KLK6: variants seen among roughly 807,000 people sequenced by gnomAD.
The protein encoded by KLK6 is kallikrein related peptidase 6, also known as kallikrein-6.
In KLK6, 16 loss-of-function variants were observed where a neutral mutation model predicts 21.7. That is an observed-to-expected ratio of 0.74 (90% CI 0.50 to 1.12). The LOEUF (loss-of-function observed/expected upper bound fraction) is 1.12, where lower values mean the gene tolerates loss of function less well. Ranked by LOEUF, KLK6 falls within the 50% of genes most tolerant of loss-of-function variation. The pLI, the probability that KLK6 is intolerant of heterozygous loss-of-function variation, is 0.00. For missense variants in KLK6, 276 were observed against 304.6 expected, an observed-to-expected ratio of 0.91 and a Z score of 0.70; for synonymous variants, 116 against 120.1, an observed-to-expected ratio of 0.97 and a Z score of 0.22.
Position 50,963,191 on chromosome 19 carries a change from A to G in KLK6, c.445+111T>C, listed in dbSNP as rs111648193. ...TTGAAACCCTGTCCCATTGGTCCTC[A>G]CCATTAGCCCATCTTCCCATGGCCC... On this transcript the variant is annotated intron_variant, in intron 5 of 6. Transcript: ENST00000310157. 6 of 1,435,566 alleles carry G rather than the reference A, an allele frequency of 4.2e-6. No individual in the cohort carries two copies. In the African/African-American group the frequency reaches 8.5e-5, roughly 20 times the overall value. 88.9% of individuals were successfully genotyped at this position (1,435,566 alleles called of 1,614,324 possible). A position where few individuals can be genotyped will look rare whatever the true frequency, so the allele number is the denominator to read the frequency against.
At chr19:50,968,163 C>T (rs1421761238) in intron 2 of KLK6, 51 bp from the exon 3 acceptor site, 4 of 1,529,790 alleles carry the variant, frequency 2.6e-6, no homozygotes, top group Non-Finnish European at 2.7e-6. Flanking sequence ...ACCCTCCCCC[C>T]ATCCCTCTGT....
chr19:50,967,552 A>ACACACACACAC (rs1555781654), intron 3 of KLK6, among the ~76,000 whole-genome samples: 19 of 50,630 alleles, frequency 3.8e-4, no homozygotes, highest in African/African-American at 2.2e-3. Flanking sequence ...CACACACACA[A>ACACACACACAC]ATTAGCAGGG....
rs1422634256 is a variant in KLK6, at chr19:50,963,718, C to G, written c.198-169G>C. 1.1e-5 allele frequency: 8 copies of G among 716,344 alleles called. No individual in the cohort carries two copies. In the Admixed American group the frequency reaches 2.3e-4, roughly 21 times the overall value. The allele number at this position is 716,344 out of a possible 1,614,324, so 44.4% of individuals were successfully genotyped here. A position where few individuals can be genotyped will look rare whatever the true frequency, so the allele number is the denominator to read the frequency against. Reference sequence around the variant, plus strand: ...ATAATCTTGGGGGCTATTCTTCACTCTCTTTATTTCATGCCCTACATCCAA... The same window carrying G: ...ATAATCTTGGGGGCTATTCTTCACTGTCTTTATTTCATGCCCTACATCCAA... On this transcript the variant is annotated intron_variant, in intron 4 of 6. Transcript: ENST00000310157.
intron 3 of KLK6, among the ~76,000 whole-genome samples, chr19:50,967,562 G>A (rs965902653): frequency 4.1e-5 from 4 of 97,726 alleles, no homozygotes; most frequent in African/African-American, 2.1e-4. Flanking sequence ...AATTAGCAGG[G>A]TATGGTGGCA....
chr19:50,958,888 T>G lies in KLK6; in HGVS notation c.*276A>C. 3 of 432,996 alleles carry G rather than the reference T, an allele frequency of 6.9e-6. No individual in the cohort carries two copies. The highest frequency in any genetic ancestry group is 3.2e-5 in the South Asian group (1 of 30,912). The allele number at this position is 432,996 out of a possible 1,614,324, so 26.8% of individuals were successfully genotyped here. ...GAAGAAATCAAACGTGTGGAAGGGT[T>G]GGGGAGAGGAGATGCCTAGAAGGGA... On this transcript the variant is annotated 3_prime_UTR_variant, in exon 7 of 7. Transcript: ENST00000310157.
chr19:50,965,557 C>T (rs559468496), intron 4 of KLK6, among the ~76,000 whole-genome samples: 2 of 152,320 alleles, frequency 1.3e-5, no homozygotes, highest in Non-Finnish European at 2.9e-5. Context: ...GGATTACAGG[C>T]GTGAGCCACC....
chr19:50,964,646 A>G (rs1209026050), intron 4 of KLK6, among the ~76,000 whole-genome samples: 1 of 152,196 alleles, frequency 6.6e-6, no homozygotes, highest in East Asian at 1.9e-4. Flanking sequence ...TTTTTGTTCT[A>G]TTCAGATATA....
rs1018105774 is a variant in KLK6, at chr19:50,959,340, A to T, written c.583-24T>A. 2.5e-6 allele frequency: 4 copies of T among 1,608,308 alleles called. No homozygotes were observed. In the African/African-American group the frequency reaches 5.4e-5, roughly 22 times the overall value. On this transcript the variant is annotated intron_variant, in intron 6 of 6. Coordinates refer to ENST00000310157, the MANE Select transcript of KLK6 (RefSeq NM_002774.4). ...CCCTGCAGGAAAGAGGGAGAAAGTC[A>T]GATACAGATAGAAACCCAGAGACTG...
chr19:50,967,267 G>C lies in KLK6; in HGVS notation c.99C>G (p.His33Gln), dbSNP rs773826574. 6.2e-7 allele frequency: 1 copy of C among 1,614,052 alleles called. No homozygotes were observed. The highest frequency in any genetic ancestry group is 1.1e-5 in the South Asian group (1 of 91,064). The change falls in exon 4 of 7, where the codon CAC becomes CAG. Residue 33 changes from histidine (H) to glutamine (Q), a missense_variant. His to Gln is a conservative substitution (Grantham distance 24). Coordinates refer to ENST00000310157, the MANE Select transcript of KLK6 (RefSeq NM_002774.4). ...AGGTGTAGAGGGCAGCTTGGTAGGG[G>C]TGAGATGTCTTGTCGCAGGGTCCGC... is the stretch of plus-strand genomic sequence containing the variant. ...VHGGPCDKTSHPYQAALYTSG... is the reference protein window; with the variant it reads ...VHGGPCDKTSQPYQAALYTSG...
rs1279585612 is a variant in KLK6 at position 50,958,772 on chromosome 19, G to T, written c.*392C>A. The T allele has an allele frequency of 4.3e-6, 1 of 234,082 alleles. No individual in the cohort carries two copies. Among genetic ancestry groups the T allele is most frequent in the East Asian group, 1.1e-4 (1 of 9,324 alleles). The allele number at this position is 234,082 out of a possible 1,614,324, so 14.5% of individuals were successfully genotyped here. A position where few individuals can be genotyped will look rare whatever the true frequency, so the allele number is the denominator to read the frequency against. On this transcript the variant is annotated 3_prime_UTR_variant, in exon 7 of 7. Coordinates refer to ENST00000310157, the MANE Select transcript of KLK6 (RefSeq NM_002774.4). ...ATCCTTATCTTCATCTTACAGGTGA[G>T]AAATCTGCAGTGAAGAAAGGTACAT...
At position 50,959,157 on chromosome 19, in the gene KLK6, G is replaced by A. The variant is rs767042930; in HGVS notation, c.*7C>T. 1.5e-5 allele frequency: 24 copies of A among 1,614,010 alleles called. No homozygotes were observed. Among genetic ancestry groups the A allele is most frequent in the Admixed American group, 5.0e-5 (3 of 59,992 alleles). ...GTAGGTCGGGAGGTAGATGTCACAT[G>A]TCAGGGTCACTTGGCCTGAATGGTT... is the stretch of plus-strand genomic sequence containing the variant. On this transcript the variant is annotated 3_prime_UTR_variant, in exon 7 of 7. Transcript: ENST00000310157.
intron 5 of KLK6, chr19:50,962,108 T>G (rs2090851907): frequency 6.3e-6 from 3 of 475,634 alleles, no homozygotes; most frequent in Non-Finnish European, 1.1e-5. Flanking sequence ...TCTTCCTCAT[T>G]AATAGTCTCT....
chr19:50,963,465 G>A lies in KLK6; in HGVS notation c.282C>T (p.Ile94=). The A allele has an allele frequency of 1.9e-6, 3 of 1,614,186 alleles. No homozygotes were observed. The highest frequency in any genetic ancestry group is 2.5e-6 in the Non-Finnish European group (3 of 1,180,048). The change falls in exon 5 of 7, where the codon ATC becomes ATT. Residue 94 remains isoleucine, a synonymous_variant. Transcript: ENST00000310157. ...GGCTGGCGGCATCATAGTCAGGGTG[G>A]ATCACAGCCCGGACAACAGAACTCT... The part of the protein sequence containing the change: ...QEQSSVVRAV[I]HPDYDAASHD...
chr19:50,959,405 GTGT>G, intron 6 of KLK6, 89 bp from the exon 7 acceptor site: 3 of 1,133,366 alleles, frequency 2.6e-6, no homozygotes, highest in Non-Finnish European at 2.5e-6. Flanking sequence ...GTGTGTGTGT[GTGT>G]GACAGAGAGA....
intron 4 of KLK6, among the ~76,000 whole-genome samples, chr19:50,966,279 A>G (rs2090924451): frequency 6.6e-6 from 1 of 152,194 alleles, no homozygotes; most frequent in African/African-American, 2.4e-5. Context: ...CACGGAAGCC[A>G]GCCGTGCTTC....
chr19:50,962,641 T>C (rs1006168808), intron 5 of KLK6: 1 of 153,186 alleles, frequency 6.5e-6, no homozygotes, highest in Non-Finnish European at 1.5e-5. Context: ...CTTCATCCAA[T>C]GGTCCACCTC....
chr19:50,961,522 C>T lies in KLK6; in HGVS notation c.582+222G>A, dbSNP rs1380429903. On this transcript the variant is annotated intron_variant, in intron 6 of 6. Coordinates refer to ENST00000310157, the MANE Select transcript of KLK6 (RefSeq NM_002774.4). ...CCATCCTTGTCTCTGCACTTCCTGT[C>T]TCTGCTGGCTGTGTCTTTATATCTC... Among the ~76,000 whole-genome samples the T allele has an allele frequency of 2.0e-5, 3 of 152,230 alleles. No individual in the cohort carries two copies. In the East Asian group the frequency reaches 5.8e-4, roughly 29 times the overall value.
Position 50,959,315 on chromosome 19 carries a change from C to A in KLK6, c.584G>T (p.Gly195Val). The A allele has an allele frequency of 6.2e-7, 1 of 1,613,218 alleles. No individual in the cohort carries two copies. Among genetic ancestry groups the A allele is most frequent in the Non-Finnish European group, 8.5e-7 (1 of 1,179,730 alleles). Reference protein sequence around the residue: ...DEKYGKDSCQGDSGGPLVCGD... With the variant: ...DEKYGKDSCQVDSGGPLVCGD... ...ACATACCAGCGGACCCCCAGAATCA[C>A]CCTGCAGGAAAGAGGGAGAAAGTCA... is the stretch of plus-strand genomic sequence containing the variant. The change falls in exon 7 of 7, where the codon GGT becomes GTT. Residue 195 changes from glycine (G) to valine (V), a missense_variant and splice_region_variant. Transcript: ENST00000310157.
Position 50,959,138 on chromosome 19 carries a change from C to T in KLK6, c.*26G>A, listed in dbSNP as rs536175712. 8.5e-5 allele frequency: 137 copies of T among 1,613,290 alleles called. No individual in the cohort carries two copies. The highest frequency in any genetic ancestry group is 1.1e-4 in the Non-Finnish European group (127 of 1,179,596). ...GGAACCAGCCAGTGGGGTGGTAGGT[C>T]GGGAGGTAGATGTCACATGTCAGGG... On this transcript the variant is annotated 3_prime_UTR_variant, in exon 7 of 7. Coordinates refer to ENST00000310157, the MANE Select transcript of KLK6 (RefSeq NM_002774.4).
Sources: allele counts gnomAD v4.1 joint callset (sites outside exome capture counted in the v4.1 genomes callset), GRCh38; gene constraint gnomAD v4.1.1; transcripts MANE v1.5; gene names NCBI Gene and HGNC (gene_info 2026-07-23, HGNC 2026-07-21).